The following PACRGL variants were observed in gnomAD, a reference collection of about 807,000 sequenced individuals.
The protein encoded by PACRGL is parkin coregulated like.
A neutral mutation model predicts 34.5 loss-of-function variants in PACRGL; 38 were observed. The ratio of observed to expected loss-of-function variants is 1.10; its 90% CI spans 0.85 to 1.44. PACRGL has a LOEUF of 1.44. Ranked by LOEUF, PACRGL falls within the 40% of genes most tolerant of loss-of-function variation. PACRGL has a pLI of 0.00. For missense variants in PACRGL, 305 were observed against 281.4 expected, an observed-to-expected ratio of 1.08 and a Z score of -0.60; for synonymous variants, 128 against 100.1, an observed-to-expected ratio of 1.28 and a Z score of -1.66.
intron 3 of PACRGL, 60 bp downstream of exon 3, chr4:20,704,874 A>T: frequency 6.4e-7 from 1 of 1,553,458 alleles, no homozygotes; most frequent in Non-Finnish European, 8.9e-7. Flanking sequence ...CACAGTATTG[A>T]ACAATGCTGG....
At position 20,713,557 on chromosome 4, in the gene PACRGL, T is replaced by G. The variant is rs1025883883; in HGVS notation, c.609+18T>G. On this transcript the variant is annotated intron_variant, in intron 7 of 8. Coordinates refer to ENST00000503585, the MANE Select transcript of PACRGL (RefSeq NM_001258345.3). ...TTACAAGCGTAAGTACTGCAAAGAT[T>G]AGATAATGATTGACTGTATGTATCA... The G allele has an allele frequency of 1.9e-6, 3 of 1,557,360 alleles. No homozygotes were observed. Among genetic ancestry groups the G allele is most frequent in the Admixed American group, 3.3e-5 (2 of 59,810 alleles).
the PACRGL span, among the ~76,000 whole-genome samples, chr4:20,761,968 T>A: frequency 6.6e-6 from 1 of 152,170 alleles, no homozygotes; most frequent in Non-Finnish European, 1.5e-5. Context: ...ACTGCTACAA[T>A]AAACCAGTCA....
chr4:20,730,551 T>G lies in PACRGL; in HGVS notation c.*3210T>G, dbSNP rs1296342917. ...AAAATTTGTGTGTATGAGCCAGCAG[T>G]TCATGAAGATTGGAGGCTGGCGCAT... On this transcript the variant is annotated 3_prime_UTR_variant, in exon 9 of 9. Transcript: ENST00000503585. Among the ~76,000 whole-genome samples the G allele has an allele frequency of 6.6e-6, 1 of 151,904 alleles. No homozygotes were observed. The highest frequency in any genetic ancestry group is 1.5e-5 in the Non-Finnish European group (1 of 68,014).
intron 7 of PACRGL, among the ~76,000 whole-genome samples, chr4:20,717,710 A>C (rs1367293292): frequency 6.6e-6 from 1 of 152,210 alleles, no homozygotes; most frequent in Non-Finnish European, 1.5e-5. Context: ...TTTAGGTACC[A>C]GTACCATGCT....
intron 1 of PACRGL, 44 bp from the exon 2 acceptor site, chr4:20,704,421 CT>C (rs1733627517): frequency 2.5e-6 from 4 of 1,581,774 alleles, no homozygotes; most frequent in African/African-American, 1.4e-5. Context: ...ACAAATGCCC[CT>C]CCAAACAAAT....
chr4:20,707,122 ATTTAC>A (rs1160440080), intron 3 of PACRGL, among the ~76,000 whole-genome samples: 1 of 152,170 alleles, frequency 6.6e-6, no homozygotes, highest in East Asian at 1.9e-4. Flanking sequence ...GTGATAAAAT[ATTTAC>A]TTTTTGTTCC....
the PACRGL span, chr4:20,758,926 T>G: frequency 3.8e-6 from 6 of 1,580,270 alleles, no homozygotes; most frequent in Non-Finnish European, 4.3e-6. Flanking sequence ...ATGAGCAAAG[T>G]GTTCATAAAA....
upstream of PACRGL, among the ~76,000 whole-genome samples, chr4:20,699,590 G>T (rs973906618): frequency 3.8e-4 from 58 of 152,310 alleles, no homozygotes; most frequent in African/African-American, 1.3e-3. Context: ...TGGAGCTACA[G>T]GAGCACAGAA....
upstream of PACRGL, among the ~76,000 whole-genome samples, chr4:20,697,184 C>G (rs1280236258): frequency 6.6e-6 from 1 of 152,104 alleles, no homozygotes; most frequent in African/African-American, 2.4e-5. Context: ...TGATGTCTAA[C>G]ATTTCCTGAC....
intron 8 of PACRGL, among the ~76,000 whole-genome samples, chr4:20,741,637 C>G (rs1419279566): frequency 6.6e-6 from 1 of 152,148 alleles, no homozygotes; most frequent in Non-Finnish European, 1.5e-5. Context: ...AAAATCAACA[C>G]CCTAACATCA....
rs1274409780 is a variant in PACRGL, at chr4:20,730,045, C to G, written c.*2704C>G. 2 of 1,591,166 alleles carry G rather than the reference C, an allele frequency of 1.3e-6. No homozygotes were observed. The highest frequency in any genetic ancestry group is 1.2e-5 in the South Asian group (1 of 86,658). On this transcript the variant is annotated 3_prime_UTR_variant, in exon 9 of 9. Coordinates refer to ENST00000503585, the MANE Select transcript of PACRGL (RefSeq NM_001258345.3). ...CAACTTTAAGGGTGGTAGAATAGTT[C>G]ACATTTGTCTGTTGGATTCAGGATC...
the PACRGL span, among the ~76,000 whole-genome samples, chr4:20,759,976 A>G: frequency 6.6e-6 from 1 of 152,166 alleles, no homozygotes; most frequent in African/African-American, 2.4e-5. Context: ...TGCAGATAAG[A>G]GAAGTTGGTC....
rs547623866 is a variant in PACRGL at position 20,752,080 on chromosome 4, C to G, written c.*57-485C>G. ...GTTTTTTTTTTTTTTTTTTTTGAGA[C>G]AAAGTACTGCTCTTGTCCCCCAGGC... On this transcript the variant is annotated intron_variant, in intron 8 of 8. Transcript: ENST00000507634. Among the ~76,000 whole-genome samples, 738 of 105,038 alleles carry G rather than the reference C, an allele frequency of 7.0e-3. 6 individuals carry two copies. Among genetic ancestry groups the G allele is most frequent in the Non-Finnish European group, 0.01 (569 of 55,560 alleles). The allele number at this position is 105,038 out of a possible 152,430, so 68.9% of individuals were successfully genotyped here. A position where few individuals can be genotyped will look rare whatever the true frequency, so the allele number is the denominator to read the frequency against.
chr4:20,704,803 A>G lies in PACRGL; in HGVS notation c.196A>G (p.Thr66Ala). The part of the protein sequence containing the change: ...PRPSDKLNPK[T>A]INPFGEQSRV... ...ACCAAGTGATAAACTGAACCCTAAA[A>G]CAATTAATCCGGTAGGTCCAAAACT... The change falls in exon 3 of 9, where the codon ACA (threonine) becomes GCA (alanine). Residue 66 changes from threonine to alanine, a missense_variant. Physicochemically the swap from Thr to Ala is moderately conservative, Grantham distance 58. Transcript: ENST00000503585. The G allele has an allele frequency of 6.2e-7, 1 of 1,613,990 alleles. No individual in the cohort carries two copies. The highest frequency in any genetic ancestry group is 1.1e-5 in the South Asian group (1 of 91,072).
intron 8 of PACRGL, among the ~76,000 whole-genome samples, chr4:20,752,239 A>G (rs1430274445): frequency 6.6e-6 from 1 of 151,646 alleles, no homozygotes; most frequent in Non-Finnish European, 1.5e-5. Flanking sequence ...TTGTATGTTT[A>G]GTAGAGACAG....
In PACRGL at chr4:20,731,655, A is replaced by T; in HGVS notation, c.*4314A>T. On this transcript the variant is annotated 3_prime_UTR_variant, in exon 9 of 9. Transcript: ENST00000503585. ...CTAGGAATTCTAATGCTGTGGAGAT[A>T]TGATAGATAATATATGAGTGATGCT... 1.0e-6 allele frequency: 1 copy of T among 985,272 alleles called. No homozygotes were observed. The highest frequency in any genetic ancestry group is 4.7e-5 in the South Asian group (1 of 21,282). 61.0% of individuals were successfully genotyped at this position (985,272 alleles called of 1,614,324 possible).
downstream of PACRGL, among the ~76,000 whole-genome samples, chr4:20,756,736 C>T (rs1256470168): frequency 6.6e-6 from 1 of 152,040 alleles, no homozygotes; most frequent in Non-Finnish European, 1.5e-5. Context: ...CCAAAGAGAC[C>T]TTCTGATCCT....
intron 5 of PACRGL, among the ~76,000 whole-genome samples, chr4:20,712,220 C>T (rs1737611741): frequency 6.6e-6 from 1 of 150,404 alleles, no homozygotes; most frequent in South Asian, 2.1e-4. Context: ...TTCTTGCCTC[C>T]CCTGTTTTCC....
At chr4:20,697,672 T>G (rs1731299576), upstream of PACRGL, among the ~76,000 whole-genome samples, 1 of 152,144 alleles carries the variant, frequency 6.6e-6, no homozygotes, top group South Asian at 2.1e-4. Flanking sequence ...GTACATTGAG[T>G]AGCTTATAAA....
Sources: gnomAD v4.1 joint callset for allele counts (sites outside exome capture counted in the v4.1 genomes callset) on GRCh38, gnomAD v4.1.1 for gene constraint, MANE v1.5 for transcripts, NCBI Gene and HGNC (gene_info 2026-07-23, HGNC 2026-07-21) for gene names.